KLHL3: variants seen among roughly 807,000 people sequenced by gnomAD.
The protein encoded by KLHL3 is kelch like family member 3, also known as kelch-like protein 3.
In KLHL3, 19 loss-of-function variants were observed where a neutral mutation model predicts 70.5. The ratio of observed to expected loss-of-function variants is 0.27; its 90% CI spans 0.19 to 0.40. The LOEUF (loss-of-function observed/expected upper bound fraction) is 0.40, where lower values mean the gene tolerates loss of function less well. KLHL3 is among the 10% of genes least tolerant of loss of function. The pLI is 1.00. For synonymous variants in KLHL3, 258 were observed against 290.3 expected (o/e 0.89, Z 1.13); for missense variants, 512 against 771.1 (o/e 0.66, Z 3.98).
Position 137,692,330 on chromosome 5 carries a change from C to T in KLHL3, c.481G>A (p.Val161Ile), listed in dbSNP as rs1752343870. ...TGCAGAAGGTCAGTGCAGGTGTGTA[C>T]ATCTGCAAATGCACGGATGCCCAGG... ...NCLGIRAFADVHTCTDLLQQA... is the reference protein window; with the variant it reads ...NCLGIRAFADIHTCTDLLQQA... The change falls in exon 5 of 15, where the codon GTA becomes ATA. Residue 161 changes from valine to isoleucine, a missense_variant. By Grantham distance (29) the Val-to-Ile change is conservative (BLOSUM62 3). Transcript: ENST00000309755. The T allele has an allele frequency of 6.2e-7, 1 of 1,613,392 alleles. No individual in the cohort carries two copies. The highest frequency in any genetic ancestry group is 1.3e-5 in the African/African-American group (1 of 74,910).
At position 137,696,769 on chromosome 5, in the gene KLHL3, G is replaced by A. The variant is rs553405267; in HGVS notation, c.363+1518C>T. 6.6e-5 allele frequency among the ~76,000 whole-genome samples: 10 copies of A among 152,268 alleles called. No individual in the cohort carries two copies. The South Asian group carries it at 2.1e-3, about 32-fold the overall frequency. On this transcript the variant is annotated intron_variant, in intron 4 of 14. Coordinates refer to ENST00000309755, the MANE Select transcript of KLHL3 (RefSeq NM_017415.3). ...CCTTTGAGCACCAGTTTCTTCAGCTGTAAAGGAGGAATCATATTGGTATGG... is the reference window on the plus strand; with the variant it reads ...CCTTTGAGCACCAGTTTCTTCAGCTATAAAGGAGGAATCATATTGGTATGG...
chr5:137,706,281 A>G, intron 3 of KLHL3: 1 of 985,484 alleles, frequency 1.0e-6, no homozygotes, highest in South Asian at 4.7e-5. Context: ...GGATCTAACG[A>G]GAGTCAGCCT....
chr5:137,700,846 C>T (rs1196639608), intron 3 of KLHL3, among the ~76,000 whole-genome samples: 1 of 152,112 alleles, frequency 6.6e-6, no homozygotes, highest in Non-Finnish European at 1.5e-5. Flanking sequence ...GCAAAAATGA[C>T]TACACCAAAC....
At chr5:137,722,452 C>G (rs1753014350) in intron 1 of KLHL3, among the ~76,000 whole-genome samples, 1 of 152,076 alleles carries the variant, frequency 6.6e-6, no homozygotes, top group Non-Finnish European at 1.5e-5. Context: ...GTGTTTAAAG[C>G]AGGTAAAGAA....
intron 4 of KLHL3, 38 bp from the exon 5 acceptor site, chr5:137,692,485 A>C: frequency 1.9e-6 from 3 of 1,599,960 alleles, no homozygotes; most frequent in Non-Finnish European, 2.6e-6. Context: ...ATTGGATCCC[A>C]CTGGCAGAGA....
At chr5:137,680,600 T>C (rs1751999654) in intron 5 of KLHL3, among the ~76,000 whole-genome samples, 1 of 151,426 alleles carries the variant, frequency 6.6e-6, no homozygotes, top group Admixed American at 6.6e-5. Context: ...TGGAGTGCAA[T>C]GGCGCGATCT....
intron 14 of KLHL3, among the ~76,000 whole-genome samples, chr5:137,624,744 A>G (rs1264445047): frequency 1.3e-5 from 2 of 152,202 alleles, no homozygotes; most frequent in African/African-American, 2.4e-5. Context: ...CTGGATCAAT[A>G]ATGTTATCTC....
rs767931459 is a variant in KLHL3 at position 137,619,107 on chromosome 5, A to G, written c.*2991T>C. 2.6e-5 allele frequency: 4 copies of G among 152,642 alleles called. No individual in the cohort carries two copies. Among genetic ancestry groups the G allele is most frequent in the Non-Finnish European group, 4.4e-5 (3 of 68,038 alleles). 9.5% of individuals were successfully genotyped at this position (152,642 alleles called of 1,614,324 possible). On this transcript the variant is annotated 3_prime_UTR_variant, in exon 15 of 15. Coordinates refer to ENST00000309755, the MANE Select transcript of KLHL3 (RefSeq NM_017415.3). ...TATCTACGTTAAAATTTTAGCCTAA[A>G]AGCTATAGCTTCAATTTTATAAAAA...
chr5:137,730,266 C>T (rs1052136652), intron 1 of KLHL3, among the ~76,000 whole-genome samples: 11 of 152,186 alleles, frequency 7.2e-5, no homozygotes, highest in Non-Finnish European at 1.2e-4. Context: ...ATGTCCATAG[C>T]CCATCAGGCC....
intron 4 of KLHL3, chr5:137,692,789 C>A: frequency 7.7e-6 from 2 of 258,342 alleles, no homozygotes; most frequent in South Asian, 5.4e-5. Flanking sequence ...AGTTGCTGGT[C>A]CACAAACCAC....
At position 137,637,958 on chromosome 5, in the gene KLHL3, C is replaced by T. The variant is rs1237516559; in HGVS notation, c.1220-563G>A. 3.9e-5 allele frequency among the ~76,000 whole-genome samples: 6 copies of T among 152,308 alleles called. No individual in the cohort carries two copies. The South Asian group carries it at 1.2e-3, about 32-fold the overall frequency. ...GGCTGGAGGTATAACAGCCATCTCACGATCATGAGAAAAAGGCCAAGAGAA... is the reference window on the plus strand; with the variant it reads ...GGCTGGAGGTATAACAGCCATCTCATGATCATGAGAAAAAGGCCAAGAGAA... On this transcript the variant is annotated intron_variant, in intron 10 of 14. Transcript: ENST00000309755.
chr5:137,715,656 A>G (rs1752878206), intron 2 of KLHL3, among the ~76,000 whole-genome samples: 1 of 152,170 alleles, frequency 6.6e-6, no homozygotes, highest in African/African-American at 2.4e-5. Context: ...CATCATCATC[A>G]TCATCATCAT....
intron 2 of KLHL3, among the ~76,000 whole-genome samples, chr5:137,711,560 G>A (rs1752791891): frequency 6.6e-6 from 1 of 152,188 alleles, no homozygotes. Context: ...GACAGCAAGA[G>A]GCAAAACCGG....
At chr5:137,701,672 A>G (rs1381192706) in intron 3 of KLHL3, among the ~76,000 whole-genome samples, 1 of 152,258 alleles carries the variant, frequency 6.6e-6, no homozygotes, top group Non-Finnish European at 1.5e-5. Flanking sequence ...TTGACATCTC[A>G]TAATTCCATG....
chr5:137,734,686 A>G (rs1464842153), intron 1 of KLHL3, among the ~76,000 whole-genome samples: 1 of 152,152 alleles, frequency 6.6e-6, no homozygotes, highest in East Asian at 1.9e-4. Flanking sequence ...TCAGTGGTGC[A>G]CTGCCATGGC....
At chr5:137,666,264 G>T (rs1263181041) in intron 6 of KLHL3, among the ~76,000 whole-genome samples, 1 of 152,186 alleles carries the variant, frequency 6.6e-6, no homozygotes, top group Admixed American at 6.5e-5. Flanking sequence ...AATCTTAGTG[G>T]GTAAGGCAGA....
chr5:137,729,218 G>A (rs1243889822), intron 1 of KLHL3, among the ~76,000 whole-genome samples: 2 of 152,094 alleles, frequency 1.3e-5, no homozygotes, highest in Non-Finnish European at 2.9e-5. Context: ...GGAATAAAGA[G>A]GCAAAACCAC....
intron 8 of KLHL3, among the ~76,000 whole-genome samples, chr5:137,655,103 A>T (rs1437044134): frequency 6.6e-6 from 1 of 152,210 alleles, no homozygotes; most frequent in Non-Finnish European, 1.5e-5. Flanking sequence ...CCTCAGGCAA[A>T]GATGTCATTC....
At chr5:137,730,521 A>C (rs1361193387) in intron 1 of KLHL3, among the ~76,000 whole-genome samples, 1 of 152,236 alleles carries the variant, frequency 6.6e-6, no homozygotes, top group Non-Finnish European at 1.5e-5. Flanking sequence ...AGATGCTGTC[A>C]TTCTTGTAAC....
Sources: gnomAD v4.1 joint callset for allele counts (sites outside exome capture counted in the v4.1 genomes callset) on GRCh38, gnomAD v4.1.1 for gene constraint, MANE v1.5 for transcripts, NCBI Gene and HGNC (gene_info 2026-07-23, HGNC 2026-07-21) for gene names.